Variants in ODAD4 observed in about 807,000 individuals in gnomAD.
ODAD4 encodes the protein outer dynein arm-docking complex subunit 4.
A neutral mutation model predicts 51.8 loss-of-function variants in ODAD4; 49 were observed. The observed-to-expected ratio is 0.95, with a 90% confidence interval of 0.75 to 1.20. The LOEUF (loss-of-function observed/expected upper bound fraction) is 1.20, where lower values mean the gene tolerates loss of function less well. Among genes scored for constraint, ODAD4 ranks in the 50% most tolerant of loss-of-function variants. The pLI is 0.00. For missense variants in ODAD4, 590 were observed against 586.5 expected (o/e 1.01, Z -0.06); for synonymous variants, 235 against 221.3 (o/e 1.06, Z -0.55).
At chr17:41,932,730 T>C (rs1312620635) in intron 1 of ODAD4, among the ~76,000 whole-genome samples, 51 of 149,138 alleles carry the variant, frequency 3.4e-4, no homozygotes, top group African/African-American at 8.3e-4. Context: ...TTTCTTCTTT[T>C]TTTTTTTTTT....
chr17:41,960,800 T>C (rs2050796058), intron 10 of ODAD4, among the ~76,000 whole-genome samples: 1 of 152,118 alleles, frequency 6.6e-6, no homozygotes, highest in African/African-American at 2.4e-5. Flanking sequence ...AGCTGCTCAG[T>C]AGACACTACC....
intron 5 of ODAD4, among the ~76,000 whole-genome samples, chr17:41,937,383 G>A (rs140956603): frequency 2.0e-5 from 3 of 152,336 alleles, no homozygotes; most frequent in Admixed American, 1.3e-4. Flanking sequence ...TAAGGAAATA[G>A]AGACCCTGAT....
In ODAD4 at chr17:41,945,764, G is replaced by A. The variant is rs137970572; in HGVS notation, c.1145+542G>A. Among the ~76,000 whole-genome samples, 626 of 151,368 alleles carry A rather than the reference G, an allele frequency of 4.1e-3. 13 individuals are homozygous for A. Among genetic ancestry groups the A allele is most frequent in the East Asian group, 0.018 (93 of 5,048 alleles). Reference sequence around the variant, plus strand: ...AAAAATACAAAAATTAGCCGAACACGTTGGCACGTGCCTGTAGTCCCAGCT... The same window carrying A: ...AAAAATACAAAAATTAGCCGAACACATTGGCACGTGCCTGTAGTCCCAGCT... On this transcript the variant is annotated intron_variant, in intron 8 of 11. Coordinates refer to ENST00000377540, the MANE Select transcript of ODAD4 (RefSeq NM_031421.5).
chr17:41,930,847 GCT>G lies in ODAD4; in HGVS notation c.114+14_114+15del. ...GCAGAGCTTCAGCAACGTGAGTCGAGCTCTCAACCTATCCATCACCCCATCAC... is the reference window on the plus strand; with the variant it reads ...GCAGAGCTTCAGCAACGTGAGTCGAGCTCAACCTATCCATCACCCCATCAC... On this transcript the variant is annotated intron_variant, in intron 1 of 11. Transcript: ENST00000377540. The G allele has an allele frequency of 8.1e-7, 1 of 1,236,750 alleles. No homozygotes were observed. Among genetic ancestry groups the G allele is most frequent in the Non-Finnish European group, 1.1e-6 (1 of 883,220 alleles). The allele number at this position is 1,236,750 out of a possible 1,614,324, so 76.6% of individuals were successfully genotyped here.
intron 1 of ODAD4, among the ~76,000 whole-genome samples, chr17:41,934,038 CTTTTTTTTT>C (rs782039270): frequency 1.5e-4 from 10 of 65,496 alleles, no homozygotes; most frequent in Non-Finnish European, 2.6e-4. Flanking sequence ...TTCTTTCTTT[CTTTTTTTTT>C]TTTTTTTTTT....
intron 3 of ODAD4, 134 bp from the exon 4 acceptor site, chr17:41,936,339 A>G (rs2144492624): frequency 1.1e-5 from 7 of 665,888 alleles, no homozygotes; most frequent in South Asian, 7.0e-5. Context: ...TTTGCCTGCT[A>G]GGCTGGCTTA....
In ODAD4 at chr17:41,953,049, G is replaced by A. The variant is rs184749313; in HGVS notation, c.1343-2168G>A. ...GCTGTGTCTAGCCAAGTGTAATGGC[G>A]TTTTATTTTATTTTATTTTATTTAT... On this transcript the variant is annotated intron_variant, in intron 9 of 11. Coordinates refer to ENST00000377540, the MANE Select transcript of ODAD4 (RefSeq NM_031421.5). Among the ~76,000 whole-genome samples, 96 of 152,014 alleles carry A rather than the reference G, an allele frequency of 6.3e-4. 1 individual carries two copies. The highest frequency in any genetic ancestry group is 2.2e-3 in the African/African-American group (91 of 41,480).
At chr17:41,957,581 G>A (rs1321149872) in intron 10 of ODAD4, among the ~76,000 whole-genome samples, 1 of 152,152 alleles carries the variant, frequency 6.6e-6, no homozygotes, top group Non-Finnish European at 1.5e-5. Context: ...GAAATCTAGT[G>A]TGATTTCCTC....
chr17:41,959,978 C>T (rs2050783443), intron 10 of ODAD4, among the ~76,000 whole-genome samples: 1 of 152,240 alleles, frequency 6.6e-6, no homozygotes, highest in Non-Finnish European at 1.5e-5. Flanking sequence ...GCCATGTCCC[C>T]AGCTCTGGCT....
Position 41,938,743 on chromosome 17 carries a change from C to G in ODAD4, c.812C>G (p.Ala271Gly). Reference sequence around the variant, plus strand: ...CACAAACGCCGTCCCTCACAGACAGCCCATTACATCCTCAAGAGCCTGGAG... The same window carrying G: ...CACAAACGCCGTCCCTCACAGACAGGCCATTACATCCTCAAGAGCCTGGAG... ...RDHKRRPSQT[A>G]HYILKSLEDI... The change falls in exon 6 of 12, where the codon GCC (alanine) becomes GGC (glycine). Residue 271 changes from alanine (A) to glycine (G), a missense_variant. Physicochemically the swap from Ala to Gly is moderately conservative, Grantham distance 60. This residue lies in a region of ODAD4 where 360 missense variants were observed against 407.5 expected (regional missense o/e 0.88). Coordinates refer to ENST00000377540, the MANE Select transcript of ODAD4 (RefSeq NM_031421.5). The G allele has an allele frequency of 1.2e-6, 2 of 1,613,614 alleles. No homozygotes were observed. Among genetic ancestry groups the G allele is most frequent in the Non-Finnish European group, 1.7e-6 (2 of 1,179,896 alleles).
chr17:41,947,771 G>A (rs1434177933), intron 8 of ODAD4, among the ~76,000 whole-genome samples: 1 of 151,360 alleles, frequency 6.6e-6, no homozygotes, highest in African/African-American at 2.4e-5. Context: ...CTCTAGCCTG[G>A]GCAACAAGAG....
At chr17:41,948,766 G>A (rs879192071) in intron 8 of ODAD4, among the ~76,000 whole-genome samples, 101,669 of 151,662 alleles carry the variant, frequency 0.67, 35,483 homozygotes, top group East Asian at 0.83. Flanking sequence ...TCAGCCTCCC[G>A]AGTAGCTGGA....
chr17:41,953,668 T>TATATATAG (rs71155199), intron 9 of ODAD4, among the ~76,000 whole-genome samples: 1 of 145,018 alleles, frequency 6.9e-6, no homozygotes, highest in Non-Finnish European at 1.5e-5. Flanking sequence ...TATATATATA[T>TATATATAG]AGAGAGAGAG....
Position 41,955,422 on chromosome 17 carries a change from T to A in ODAD4, c.1443+105T>A. 4.7e-6 allele frequency: 3 copies of A among 636,776 alleles called. No homozygotes were observed. The Admixed American group carries it at 7.3e-5, about 16-fold the overall frequency. 39.4% of individuals were successfully genotyped at this position (636,776 alleles called of 1,614,324 possible). On this transcript the variant is annotated intron_variant, in intron 10 of 11. Transcript: ENST00000377540. ...TTGGGCGCCATTCCACAGCCGTTTT[T>A]TTGTTTGTTTGTTTATTTGTTTTGA...
chr17:41,962,327 T>C (rs1555641881), intron 11 of ODAD4, among the ~76,000 whole-genome samples: 1 of 152,154 alleles, frequency 6.6e-6, no homozygotes, highest in African/African-American at 2.4e-5. Flanking sequence ...AGAGGCTGCC[T>C]GACAGCTGTG....
chr17:41,930,715 C>T lies in ODAD4; in HGVS notation c.-9C>T, dbSNP rs1555636590. Reference sequence around the variant, plus strand: ...TGTCTCTGCTTTAGCGTCTCTAAATCCGGTCACCATGTCGGACCCCGAAGG... The same window carrying T: ...TGTCTCTGCTTTAGCGTCTCTAAATTCGGTCACCATGTCGGACCCCGAAGG... On this transcript the variant is annotated 5_prime_UTR_variant, in exon 1 of 12. Transcript: ENST00000377540. 6.3e-7 allele frequency: 1 copy of T among 1,578,414 alleles called. No individual in the cohort carries two copies. Among genetic ancestry groups the T allele is most frequent in the Non-Finnish European group, 8.7e-7 (1 of 1,152,106 alleles).
intron 1 of ODAD4, among the ~76,000 whole-genome samples, chr17:41,931,698 C>T (rs571367263): frequency 3.9e-5 from 6 of 151,942 alleles, no homozygotes; most frequent in South Asian, 2.1e-4. Flanking sequence ...TGTCCCACCA[C>T]GCCTGGCTAA....
intron 4 of ODAD4, 29 bp downstream of exon 4, chr17:41,936,563 C>A: frequency 6.3e-7 from 1 of 1,597,734 alleles, no homozygotes; most frequent in Non-Finnish European, 8.6e-7. Context: ...TGGTTGTATC[C>A]CTCCAAGGGA....
intron 11 of ODAD4, among the ~76,000 whole-genome samples, chr17:41,962,345 A>T (rs562634030): frequency 2.0e-5 from 3 of 152,160 alleles, no homozygotes; most frequent in African/African-American, 7.2e-5. Context: ...GTGCCTTACC[A>T]CATTCTTTCT....
Sources: allele counts gnomAD v4.1 joint callset (sites outside exome capture counted in the v4.1 genomes callset), GRCh38; gene constraint gnomAD v4.1.1; regional missense constraint gnomAD v4.1.1; transcripts MANE v1.5; gene names NCBI Gene and HGNC (gene_info 2026-07-23, HGNC 2026-07-21).